MAGI2: variants seen among roughly 807,000 people sequenced by gnomAD.
MAGI2 encodes membrane-associated guanylate kinase, WW and PDZ domain-containing protein 2.
Under a neutral mutation model 133.3 loss-of-function variants are expected in MAGI2, and 35 were observed. That is an observed-to-expected ratio of 0.26 (90% CI 0.20 to 0.35). MAGI2 has a LOEUF of 0.35. Ranked by LOEUF, MAGI2 falls within the 10% of genes least tolerant of loss-of-function variation. MAGI2 has a pLI of 1.00. For synonymous variants in MAGI2, 729 were observed against 710.6 expected (o/e 1.03, Z -0.41); for missense variants, 1,636 against 1,863.4 (o/e 0.88, Z 2.25).
At chr7:78,587,548 T>C (rs1237344833) in intron 3 of MAGI2, among the ~76,000 whole-genome samples, 1 of 152,242 alleles carries the variant, frequency 6.6e-6, no homozygotes, top group Non-Finnish European at 1.5e-5. Context: ...CTGAAGTGGA[T>C]ATATTTTTCT....
chr7:78,607,518 A>T (rs1175252358), intron 3 of MAGI2, among the ~76,000 whole-genome samples: 2 of 149,632 alleles, frequency 1.3e-5, no homozygotes, highest in Admixed American at 6.7e-5. Flanking sequence ...AAAAAAAGAG[A>T]GTCTCTGTAA....
intron 21 of MAGI2, among the ~76,000 whole-genome samples, chr7:78,073,594 C>T (rs1459282621): frequency 6.6e-6 from 1 of 152,204 alleles, no homozygotes; most frequent in Non-Finnish European, 1.5e-5. Context: ...GGGAAAGGCT[C>T]CACTTTGGTC....
intron 6 of MAGI2, chr7:78,487,046 G>A (rs1320690947): frequency 6.1e-6 from 3 of 489,768 alleles, no homozygotes; most frequent in African/African-American, 5.8e-5. Context: ...CCAATACACT[G>A]AGGCAGGGCA....
chr7:78,840,884 G>A (rs983842150), intron 2 of MAGI2, among the ~76,000 whole-genome samples: 1 of 151,066 alleles, frequency 6.6e-6, no homozygotes, highest in African/African-American at 2.4e-5. Context: ...ATGTGAAAAT[G>A]TTATCATAAA....
intron 3 of MAGI2, among the ~76,000 whole-genome samples, chr7:78,597,423 C>T (rs1804733133): frequency 6.6e-6 from 1 of 151,496 alleles, no homozygotes; most frequent in Non-Finnish European, 1.5e-5. Context: ...CCAATGCCCA[C>T]TTAATCCAGA....
chr7:79,195,177 G>A (rs1585172302), intron 1 of MAGI2, among the ~76,000 whole-genome samples: 1 of 151,910 alleles, frequency 6.6e-6, no homozygotes, highest in African/African-American at 2.4e-5. Context: ...CAAAAACAAT[G>A]GGGCCAGATG....
At position 78,486,891 on chromosome 7, in the gene MAGI2, A is replaced by G. The variant is rs554825441; in HGVS notation, c.1045+2870T>C. 5.4e-4 allele frequency: 275 copies of G among 513,492 alleles called. 3 individuals are homozygous for G. The highest frequency in any genetic ancestry group is 4.7e-3 in the African/African-American group (243 of 51,878). 31.8% of individuals were successfully genotyped at this position (513,492 alleles called of 1,614,324 possible). ...GCACAATTGCCTGACAGATCATTTCAAATCTTTGTGGGCCAGGAACGTACC... is the reference window on the plus strand; with the variant it reads ...GCACAATTGCCTGACAGATCATTTCGAATCTTTGTGGGCCAGGAACGTACC... On this transcript the variant is annotated intron_variant, in intron 6 of 21. Coordinates refer to ENST00000354212, the MANE Select transcript of MAGI2 (RefSeq NM_012301.4).
intron 2 of MAGI2, among the ~76,000 whole-genome samples, chr7:78,800,537 G>A (rs755222775): frequency 1.3e-5 from 2 of 152,088 alleles, no homozygotes; most frequent in Admixed American, 6.6e-5. Flanking sequence ...AACTAGCAAT[G>A]TCTCATAGAT....
intron 2 of MAGI2, among the ~76,000 whole-genome samples, chr7:78,833,292 G>C (rs569093706): frequency 1.2e-4 from 18 of 152,176 alleles, no homozygotes; most frequent in African/African-American, 4.1e-4. Flanking sequence ...ATCCCCATGT[G>C]ACCATCTCAC....
intron 6 of MAGI2, among the ~76,000 whole-genome samples, chr7:78,403,622 TAA>T (rs1180449817): frequency 6.6e-6 from 1 of 152,126 alleles, no homozygotes; most frequent in African/African-American, 2.4e-5. Context: ...ACCAACAGTG[TAA>T]AAGTGTTCCT....
intron 1 of MAGI2, among the ~76,000 whole-genome samples, chr7:79,346,094 T>C (rs1011026065): frequency 6.6e-6 from 1 of 152,080 alleles, no homozygotes; most frequent in Non-Finnish European, 1.5e-5. Context: ...AAAGAATCCA[T>C]AATTTTTGAG....
chr7:78,810,812 G>A (rs1320521035), intron 2 of MAGI2, among the ~76,000 whole-genome samples: 1 of 151,976 alleles, frequency 6.6e-6, no homozygotes, highest in Non-Finnish European at 1.5e-5. Flanking sequence ...GTAATGTCAT[G>A]TAAAAATAAG....
intron 1 of MAGI2, among the ~76,000 whole-genome samples, chr7:79,292,770 CAAAAAAAAAAAAAAAAAAAA>C (rs199933554): frequency 1.7e-5 from 1 of 57,396 alleles, no homozygotes; most frequent in Non-Finnish European, 3.2e-5. Flanking sequence ...TCAATTTCTG[CAAAAAAAAAAAAAAAAAAAA>C]AAAAAAAAAA....
At position 78,899,096 on chromosome 7, in the gene MAGI2, T is replaced by C. The variant is rs528598415; in HGVS notation, c.418+107994A>G. Among the ~76,000 whole-genome samples, 4 of 152,110 alleles carry C rather than the reference T, an allele frequency of 2.6e-5. No homozygotes were observed. In the South Asian group the frequency reaches 8.3e-4, roughly 32 times the overall value. ...AAACTCTACCATTTATAGCTAAGAG[T>C]GATACTTAACCAACAAGAAGATTTC... is the stretch of plus-strand genomic sequence containing the variant. On this transcript the variant is annotated intron_variant, in intron 2 of 21. Transcript: ENST00000354212.
intron 3 of MAGI2, among the ~76,000 whole-genome samples, chr7:78,605,387 G>T (rs910561992): frequency 6.6e-6 from 1 of 152,146 alleles, no homozygotes; most frequent in African/African-American, 2.4e-5. Context: ...GGTGAACATC[G>T]GAAAATGACC....
At chr7:78,438,552 T>C (rs1787286524) in intron 6 of MAGI2, among the ~76,000 whole-genome samples, 1 of 152,192 alleles carries the variant, frequency 6.6e-6, no homozygotes, top group East Asian at 1.9e-4. Context: ...TTTATGAGCG[T>C]GCTGTTTTAC....
intron 3 of MAGI2, among the ~76,000 whole-genome samples, chr7:78,609,605 C>A (rs543779780): frequency 1.3e-5 from 2 of 152,248 alleles, no homozygotes; most frequent in East Asian, 3.9e-4. Context: ...CAGCTGCTTA[C>A]CTGGTCATAG....
intron 1 of MAGI2, among the ~76,000 whole-genome samples, chr7:79,246,133 A>C (rs1832806828): frequency 6.6e-6 from 1 of 152,196 alleles, no homozygotes. Flanking sequence ...TTAGATCATA[A>C]CACACATAGC....
Position 78,727,101 on chromosome 7 carries a change from A to G in MAGI2, c.419-99862T>C, listed in dbSNP as rs559371184. Among the ~76,000 whole-genome samples, 9 of 152,328 alleles carry G rather than the reference A, an allele frequency of 5.9e-5. No individual in the cohort carries two copies. In the East Asian group the frequency reaches 1.5e-3, roughly 26 times the overall value. ...CATTGACTTACCTTGGCTCAAATCAATTAATGTTCTGACATCTGGCAGCAA... is the reference window on the plus strand; with the variant it reads ...CATTGACTTACCTTGGCTCAAATCAGTTAATGTTCTGACATCTGGCAGCAA... On this transcript the variant is annotated intron_variant, in intron 2 of 21. Coordinates refer to ENST00000354212, the MANE Select transcript of MAGI2 (RefSeq NM_012301.4).
Sources: gnomAD v4.1 joint callset for allele counts (sites outside exome capture counted in the v4.1 genomes callset) on GRCh38, gnomAD v4.1.1 for gene constraint, MANE v1.5 for transcripts, NCBI Gene and HGNC (gene_info 2026-07-23, HGNC 2026-07-21) for gene names.